Variants in FSTL5 observed in about 807,000 individuals in gnomAD.
The protein encoded by FSTL5 is follistatin like 5, also known as follistatin-related protein 5.
FSTL5 carries 62 observed loss-of-function variants against 89.1 expected under a neutral mutation model. That is an observed-to-expected ratio of 0.70 (90% confidence interval 0.57 to 0.86). FSTL5 has a LOEUF of 0.86. Ranked by LOEUF, FSTL5 falls within the 40% of genes least tolerant of loss-of-function variation. The probability of loss-of-function intolerance (pLI) is 0.00; values close to 1 mark genes in which losing one functional copy is unlikely to be tolerated. For missense variants in FSTL5, 1,057 were observed against 1,001.6 expected (o/e 1.06, Z -0.75); for synonymous variants, 383 against 346.2 (o/e 1.11, Z -1.18).
intron 10 of FSTL5, among the ~76,000 whole-genome samples, chr4:161,523,028 C>A (rs1366797005): frequency 6.6e-6 from 1 of 151,798 alleles, no homozygotes; most frequent in Admixed American, 6.6e-5. Flanking sequence ...TTTATGGAGC[C>A]CTCATTATGT....
Position 161,770,428 on chromosome 4 carries a change from T to C in FSTL5, c.606+5450A>G, listed in dbSNP as rs147417547. On this transcript the variant is annotated intron_variant, in intron 5 of 15. Transcript: ENST00000306100. ...TTTTCCATGATGTGATTACTGTATATTGCATCCCTATATCAAAGTGTCTCA... is the reference window on the plus strand; with the variant it reads ...TTTTCCATGATGTGATTACTGTATACTGCATCCCTATATCAAAGTGTCTCA... Among the ~76,000 whole-genome samples, 349 of 152,116 alleles carry C rather than the reference T, an allele frequency of 2.3e-3. 2 individuals are homozygous for C. Among genetic ancestry groups the C allele is most frequent in the African/African-American group, 7.8e-3 (326 of 41,556 alleles).
At chr4:161,714,454 CGTGA>C (rs1326366631) in intron 6 of FSTL5, among the ~76,000 whole-genome samples, 7 of 151,964 alleles carry the variant, frequency 4.6e-5, no homozygotes, top group Admixed American at 2.0e-4. Context: ...TGAGAGCTAT[CGTGA>C]GTAATAGAAA....
chr4:161,534,373 CAA>C (rs1187519922), intron 10 of FSTL5, among the ~76,000 whole-genome samples: 1 of 152,038 alleles, frequency 6.6e-6, no homozygotes, highest in Non-Finnish European at 1.5e-5. Context: ...ACAAATTCAG[CAA>C]AGTTTCAGGA....
At chr4:161,614,716 T>A (rs536392590) in intron 7 of FSTL5, among the ~76,000 whole-genome samples, 5 of 152,196 alleles carry the variant, frequency 3.3e-5, no homozygotes, top group Admixed American at 6.5e-5. Context: ...CAACTATCTA[T>A]GCTGATTAAT....
At chr4:162,010,704 G>A (rs191971353) in intron 3 of FSTL5, among the ~76,000 whole-genome samples, 1 of 152,100 alleles carries the variant, frequency 6.6e-6, no homozygotes, top group African/African-American at 2.4e-5. Flanking sequence ...AGAAAATGTC[G>A]CCTCTTGCGT....
In FSTL5 at chr4:161,397,134, C is replaced by T. The variant is rs545577183; in HGVS notation, c.1842-10685G>A. ...TGCCTTTAACAATGTGAATGTCTTACCCATGCAACAAATTTTGTTCTAGGT... is the reference window on the plus strand; with the variant it reads ...TGCCTTTAACAATGTGAATGTCTTATCCATGCAACAAATTTTGTTCTAGGT... On this transcript the variant is annotated intron_variant, in intron 15 of 15. Transcript: ENST00000306100. Among the ~76,000 whole-genome samples, 6 of 152,154 alleles carry T rather than the reference C, an allele frequency of 3.9e-5. No homozygotes were observed. In the East Asian group the frequency reaches 1.2e-3, roughly 29 times the overall value.
chr4:161,898,020 G>A (rs556269304), intron 4 of FSTL5, among the ~76,000 whole-genome samples: 1 of 150,710 alleles, frequency 6.6e-6, no homozygotes, highest in East Asian at 1.9e-4. Flanking sequence ...CAATATGAAT[G>A]TAAGGTCTCT....
At chr4:161,766,344 A>G (rs1310491990) in intron 5 of FSTL5, among the ~76,000 whole-genome samples, 1 of 152,078 alleles carries the variant, frequency 6.6e-6, no homozygotes, top group African/African-American at 2.4e-5. Context: ...CCATTCTACC[A>G]AGTGAAGCCT....
chr4:161,528,063 C>A (rs1184711450), intron 10 of FSTL5, among the ~76,000 whole-genome samples: 2 of 147,870 alleles, frequency 1.4e-5, no homozygotes, highest in African/African-American at 5.1e-5. Context: ...CCAAACACGG[C>A]ATATTCTCAC....
intron 4 of FSTL5, among the ~76,000 whole-genome samples, chr4:161,797,024 TCTTAA>T (rs1052871664): frequency 2.0e-5 from 3 of 151,642 alleles, no homozygotes; most frequent in African/African-American, 7.2e-5. Flanking sequence ...ATTGGGAAAC[TCTTAA>T]CTCCTTTTGT....
intron 8 of FSTL5, among the ~76,000 whole-genome samples, chr4:161,583,195 C>G (rs1026747654): frequency 3.3e-5 from 5 of 151,948 alleles, no homozygotes; most frequent in Non-Finnish European, 5.9e-5. Flanking sequence ...AGAAAGACTC[C>G]GTCTCAAAAT....
chr4:161,883,572 G>C (rs1263584160), intron 4 of FSTL5, among the ~76,000 whole-genome samples: 1 of 152,008 alleles, frequency 6.6e-6, no homozygotes, highest in Non-Finnish European at 1.5e-5. Context: ...GATAATAAAA[G>C]TGTTTCAATA....
At chr4:161,788,532 C>T (rs567549895) in intron 4 of FSTL5, among the ~76,000 whole-genome samples, 39 of 152,212 alleles carry the variant, frequency 2.6e-4, no homozygotes, top group African/African-American at 6.5e-4. Flanking sequence ...TGTGACAAAG[C>T]CTTTGTTAGT....
At chr4:161,845,192 G>T (rs184632324) in intron 4 of FSTL5, among the ~76,000 whole-genome samples, 1 of 152,250 alleles carries the variant, frequency 6.6e-6, no homozygotes, top group African/African-American at 2.4e-5. Flanking sequence ...CTGGCTATTA[G>T]ATTAATGCAC....
intron 4 of FSTL5, among the ~76,000 whole-genome samples, chr4:161,892,659 C>T (rs1733025872): frequency 6.6e-6 from 1 of 151,952 alleles, no homozygotes; most frequent in Non-Finnish European, 1.5e-5. Context: ...CAGTAATTTC[C>T]ACATCACAGT....
At chr4:161,875,346 C>T (rs1189827299) in intron 4 of FSTL5, among the ~76,000 whole-genome samples, 2 of 148,892 alleles carry the variant, frequency 1.3e-5, no homozygotes. Flanking sequence ...TCTTCCTTTG[C>T]AAATTTGTAA....
rs556918307 is a variant in FSTL5, at chr4:161,472,194, A to G, written c.1608+8826T>C. ...GAGTTTCACCGTGTTAGCCAGGATG[A>G]TCTCGATCTCCTGACCTCGTGATCT... On this transcript the variant is annotated intron_variant, in intron 13 of 15. Coordinates refer to ENST00000306100, the MANE Select transcript of FSTL5 (RefSeq NM_020116.5). Among the ~76,000 whole-genome samples the G allele has an allele frequency of 6.6e-5, 10 of 152,044 alleles. No homozygotes were observed. In the South Asian group the frequency reaches 8.3e-4, roughly 13 times the overall value.
chr4:161,686,305 C>CATATATATATAT (rs60120837), intron 6 of FSTL5, among the ~76,000 whole-genome samples: 1 of 25,974 alleles, frequency 3.9e-5, no homozygotes, highest in African/African-American at 1.3e-4. Context: ...TCTCCTTTGC[C>CATATATATATAT]ATATATATAT....
intron 5 of FSTL5, among the ~76,000 whole-genome samples, chr4:161,765,760 CAT>C (rs1321240650): frequency 1.3e-5 from 2 of 151,478 alleles, no homozygotes; most frequent in African/African-American, 2.4e-5. Context: ...AAAGAATTGA[CAT>C]ATGTTTATAT....
Sources: allele counts gnomAD v4.1 joint callset (sites outside exome capture counted in the v4.1 genomes callset), GRCh38; gene constraint gnomAD v4.1.1; transcripts MANE v1.5; gene names NCBI Gene and HGNC (gene_info 2026-07-23, HGNC 2026-07-21).